Variants in GRIN3A observed in about 807,000 individuals in gnomAD.
The protein encoded by GRIN3A is glutamate ionotropic receptor NMDA type subunit 3A.
A neutral mutation model predicts 92.4 loss-of-function variants in GRIN3A; 47 were observed. The observed-to-expected ratio is 0.51, with a 90% confidence interval of 0.40 to 0.65. GRIN3A has a LOEUF of 0.65. GRIN3A is among the 30% of genes least tolerant of loss of function. The pLI is 0.00. For synonymous variants in GRIN3A, 527 were observed against 540.6 expected (o/e 0.97, Z 0.35); for missense variants, 1,324 against 1,393.1 (o/e 0.95, Z 0.79).
At chr9:101,648,239 A>G (rs1018762022) in intron 3 of GRIN3A, among the ~76,000 whole-genome samples, 1 of 152,020 alleles carries the variant, frequency 6.6e-6, no homozygotes, top group Non-Finnish European at 1.5e-5. Context: ...GTTCAGGAGC[A>G]TGTTGTTTAA....
chr9:101,670,066 G>A lies in GRIN3A; in HGVS notation c.2346C>T (p.Asp782=). 6.2e-7 allele frequency: 1 copy of A among 1,608,458 alleles called. No individual in the cohort carries two copies. Among genetic ancestry groups the A allele is most frequent in the South Asian group, 1.1e-5 (1 of 90,946 alleles). Residue 782 remains aspartate, a synonymous_variant, in exon 3 of 9, where the codon GAC becomes GAT. Transcript: ENST00000361820. ...KIYEELSGIH[D]PKLHHPSQGF... ...AAGTAAAATGAAGTATTACCTTGGG[G>A]TCATGTATTCCAGAAAGCTCTTCAT...
intron 3 of GRIN3A, among the ~76,000 whole-genome samples, chr9:101,667,865 G>A (rs1469126804): frequency 2.0e-5 from 3 of 152,024 alleles, no homozygotes; most frequent in African/African-American, 7.2e-5. Context: ...AGTAATCTGG[G>A]TGTCTTTTTA....
chr9:101,594,928 C>T (rs945752205), intron 6 of GRIN3A: 9 of 1,596,430 alleles, frequency 5.6e-6, no homozygotes, highest in Non-Finnish European at 7.6e-6. Flanking sequence ...CCATTGTGGA[C>T]ATCTGGCAAC....
chr9:101,727,061 G>A (rs1214688169), intron 1 of GRIN3A, among the ~76,000 whole-genome samples: 2 of 152,082 alleles, frequency 1.3e-5, no homozygotes, highest in Non-Finnish European at 2.9e-5. Flanking sequence ...AGGGTGTTCT[G>A]CAGCACAAGT....
At position 101,610,057 on chromosome 9, in the gene GRIN3A, C is replaced by A. The variant is rs1345442179; in HGVS notation, c.2766+3319G>T. Among the ~76,000 whole-genome samples the A allele has an allele frequency of 2.0e-5, 3 of 152,282 alleles. No homozygotes were observed. In the East Asian group the frequency reaches 5.8e-4, roughly 29 times the overall value. On this transcript the variant is annotated intron_variant, in intron 6 of 8. Transcript: ENST00000361820. Reference sequence around the variant, plus strand: ...TGTTGACTTGAGTCAGCTATGGTCACAACAAATGATAGAAAACACCAAGTG... The same window carrying A: ...TGTTGACTTGAGTCAGCTATGGTCAAAACAAATGATAGAAAACACCAAGTG...
intron 5 of GRIN3A, among the ~76,000 whole-genome samples, chr9:101,616,214 G>A (rs188668558): frequency 4.2e-4 from 64 of 152,290 alleles, no homozygotes; most frequent in African/African-American, 1.5e-3. Flanking sequence ...GCCTAGTATT[G>A]TGCATGATGT....
intron 3 of GRIN3A, among the ~76,000 whole-genome samples, chr9:101,646,659 A>G (rs1243567601): frequency 6.6e-6 from 1 of 151,832 alleles, no homozygotes; most frequent in Non-Finnish European, 1.5e-5. Context: ...AGCATAGGAT[A>G]TCTTTCCATT....
At chr9:101,687,404 T>G (rs755038914) in intron 1 of GRIN3A, among the ~76,000 whole-genome samples, 1 of 152,180 alleles carries the variant, frequency 6.6e-6, no homozygotes, top group Non-Finnish European at 1.5e-5. Flanking sequence ...TAATAATTTT[T>G]GCTAAGAGTA....
intron 1 of GRIN3A, among the ~76,000 whole-genome samples, chr9:101,696,728 T>C (rs970575890): frequency 2.0e-5 from 3 of 152,178 alleles, no homozygotes; most frequent in Non-Finnish European, 2.9e-5. Flanking sequence ...AAATTCCCTA[T>C]AGAAATTTGA....
At chr9:101,635,648 C>T (rs1266936653) in intron 3 of GRIN3A, among the ~76,000 whole-genome samples, 1 of 152,168 alleles carries the variant, frequency 6.6e-6, no homozygotes, top group East Asian at 1.9e-4. Flanking sequence ...GATGACACAC[C>T]TTATTTCTAG....
At chr9:101,645,882 C>T (rs2417281) in intron 3 of GRIN3A, among the ~76,000 whole-genome samples, 13,383 of 151,278 alleles carry the variant, frequency 0.088, 859 homozygotes, top group East Asian at 0.22. Flanking sequence ...TTGAAAAATA[C>T]ATATTCAGAT....
rs543250854 is a variant in GRIN3A at position 101,702,822 on chromosome 9, A to C, written c.700-15622T>G. Among the ~76,000 whole-genome samples, 4 of 152,310 alleles carry C rather than the reference A, an allele frequency of 2.6e-5. No individual in the cohort carries two copies. The East Asian group carries it at 7.7e-4, about 29-fold the overall frequency. On this transcript the variant is annotated intron_variant, in intron 1 of 8. Transcript: ENST00000361820. ...TTCACTTCTCTCAAAGCCCTTCTCA[A>C]GTCACCATGACTGCACCATCACTCA...
Position 101,671,082 on chromosome 9 carries a change from C to T in GRIN3A, c.1330G>A (p.Gly444Ser). 6.2e-7 allele frequency: 1 copy of T among 1,613,544 alleles called. No homozygotes were observed. Among genetic ancestry groups the T allele is most frequent in the Non-Finnish European group, 8.5e-7 (1 of 1,179,556 alleles). The change falls in exon 3 of 9, where the codon GGC (glycine) becomes AGC (serine). Residue 444 changes from glycine (G) to serine (S), a missense_variant. Transcript: ENST00000361820. ...TTTACTCTGATGGAACCACTGAGGCCTCTGAAAGTGGTATTGGCTAGAAAC... is the reference window on the plus strand; with the variant it reads ...TTTACTCTGATGGAACCACTGAGGCTTCTGAAAGTGGTATTGGCTAGAAAC... ...SRFLANTTFRGLSGSIRVKGS... is the reference protein window; with the variant it reads ...SRFLANTTFRSLSGSIRVKGS...
intron 2 of GRIN3A, among the ~76,000 whole-genome samples, chr9:101,676,039 T>C (rs911145749): frequency 2.0e-5 from 3 of 151,954 alleles, no homozygotes; most frequent in African/African-American, 7.2e-5. Context: ...TTTATTAGTA[T>C]TATGTTTTTA....
At chr9:101,614,609 CTTTTTTTTT>C (rs754003481) in intron 5 of GRIN3A, among the ~76,000 whole-genome samples, 3 of 83,050 alleles carry the variant, frequency 3.6e-5, no homozygotes, top group South Asian at 8.5e-4. Context: ...ATATGTGATA[CTTTTTTTTT>C]TTTTTTTTTT....
At chr9:101,621,432 T>C (rs189475247) in intron 5 of GRIN3A, among the ~76,000 whole-genome samples, 65 of 152,318 alleles carry the variant, frequency 4.3e-4, no homozygotes, top group African/African-American at 1.5e-3. Context: ...TATGAACTTA[T>C]TGTCAGAAGT....
chr9:101,660,042 T>G (rs1829151153), intron 3 of GRIN3A, among the ~76,000 whole-genome samples: 1 of 151,830 alleles, frequency 6.6e-6, no homozygotes, highest in Non-Finnish European at 1.5e-5. Context: ...CCCCCCACCC[T>G]GCCAATTTCC....
chr9:101,715,200 TA>T (rs5899459), intron 1 of GRIN3A, among the ~76,000 whole-genome samples: 53,448 of 127,500 alleles, frequency 0.42, 10,158 homozygotes, highest in Middle Eastern at 0.5. Context: ...ACAAAAATGG[TA>T]AAAAAAAAAA....
intron 3 of GRIN3A, among the ~76,000 whole-genome samples, chr9:101,635,916 AGTCTCAC>A (rs1828778248): frequency 6.6e-6 from 1 of 152,168 alleles, no homozygotes; most frequent in Non-Finnish European, 1.5e-5. Context: ...TTTGAGATGG[AGTCTCAC>A]TCTGTCGCCC....
Sources: allele counts gnomAD v4.1 joint callset (sites outside exome capture counted in the v4.1 genomes callset), GRCh38; gene constraint gnomAD v4.1.1; transcripts MANE v1.5; gene names NCBI Gene and HGNC (gene_info 2026-07-23, HGNC 2026-07-21).